Variants in CCAR1 observed in about 807,000 individuals in gnomAD.
The protein encoded by CCAR1 is cell division cycle and apoptosis regulator protein 1.
A neutral mutation model predicts 163.8 loss-of-function variants in CCAR1; 78 were observed. The ratio of observed to expected loss-of-function variants is 0.48; its 90% CI spans 0.40 to 0.57. The LOEUF (loss-of-function observed/expected upper bound fraction) is 0.57, where lower values mean the gene tolerates loss of function less well. CCAR1 is among the 20% of genes least tolerant of loss of function. The probability of loss-of-function intolerance (pLI) is 0.00; values close to 1 mark genes in which losing one functional copy is unlikely to be tolerated. For missense variants in CCAR1, 1,019 were observed against 1,365.2 expected (o/e 0.75, Z 4.00); for synonymous variants, 443 against 460.7 (o/e 0.96, Z 0.49).
chr10:68,746,369 C>T (rs1219788597), intron 6 of CCAR1, among the ~76,000 whole-genome samples: 2 of 152,032 alleles, frequency 1.3e-5, no homozygotes, highest in African/African-American at 4.8e-5. Context: ...CTCCGCCTCT[C>T]GGGTACAGGC....
chr10:68,769,219 C>G (rs1236954687), intron 17 of CCAR1, among the ~76,000 whole-genome samples: 1 of 152,208 alleles, frequency 6.6e-6, no homozygotes, highest in African/African-American at 2.4e-5. Flanking sequence ...CGTGATCCAC[C>G]CATCTCAGCC....
intron 8 of CCAR1, among the ~76,000 whole-genome samples, chr10:68,748,898 G>C (rs547679061): frequency 1.7e-4 from 26 of 152,068 alleles, no homozygotes; most frequent in African/African-American, 6.3e-4. Context: ...AGCTGGTGTT[G>C]AACTCCTGGA....
chr10:68,724,430 A>G (rs958798884), intron 2 of CCAR1, among the ~76,000 whole-genome samples: 2 of 151,960 alleles, frequency 1.3e-5, no homozygotes, highest in Admixed American at 6.6e-5. Flanking sequence ...GCAACGCTAC[A>G]CTCCAGTCTG....
intron 2 of CCAR1, among the ~76,000 whole-genome samples, chr10:68,729,794 C>CT (rs1014243368): frequency 3.3e-5 from 5 of 151,782 alleles, no homozygotes; most frequent in Non-Finnish European, 5.9e-5. Flanking sequence ...ATAGTGGGGT[C>CT]TTGCTATGTT....
At chr10:68,761,425 G>C (rs1191182118) in intron 16 of CCAR1, among the ~76,000 whole-genome samples, 3 of 151,982 alleles carry the variant, frequency 2.0e-5, no homozygotes, top group Non-Finnish European at 2.9e-5. Flanking sequence ...TCCTGCCTCA[G>C]CCTCCCGAGT....
intron 8 of CCAR1, among the ~76,000 whole-genome samples, chr10:68,748,348 C>T (rs1229109753): frequency 1.3e-5 from 2 of 151,750 alleles, no homozygotes; most frequent in African/African-American, 4.8e-5. Flanking sequence ...TGCAGTTAGC[C>T]CAGATCACGC....
chr10:68,790,553 G>T lies in CCAR1; in HGVS notation c.3393+638G>T, dbSNP rs181190705. On this transcript the variant is annotated intron_variant, in intron 24 of 24. Coordinates refer to ENST00000265872, the MANE Select transcript of CCAR1 (RefSeq NM_018237.4). ...GTTTTGTTTTGTCTTTTTGAGACAG[G>T]GTCTTGCACTTTTGCCCAGGCTGGT... Among the ~76,000 whole-genome samples the T allele has an allele frequency of 1.9e-3, 283 of 151,662 alleles. 1 individual carries two copies. The highest frequency in any genetic ancestry group is 6.6e-3 in the African/African-American group (272 of 41,356).
intron 2 of CCAR1, among the ~76,000 whole-genome samples, chr10:68,731,430 A>T (rs533590184): frequency 6.6e-6 from 1 of 152,308 alleles, no homozygotes; most frequent in Admixed American, 6.5e-5. Context: ...AAGAACTGTT[A>T]TATATTTATA....
In CCAR1 at chr10:68,756,100, A is replaced by G. The variant is rs1013422383; in HGVS notation, c.1626-173A>G. On this transcript the variant is annotated intron_variant, in intron 13 of 24. Transcript: ENST00000265872. This position sits in a 1 kb window ranked among gnomAD's most constrained non-coding sequence, Gnocchi z 5.1. ...ACATATTCTTCCTTTAACTTATTAA[A>G]TATTGTACAAATGTACCAAAAGAGG... is the stretch of plus-strand genomic sequence containing the variant. 6.6e-6 allele frequency among the ~76,000 whole-genome samples: 1 copy of G among 152,190 alleles called. No individual in the cohort carries two copies. The highest frequency in any genetic ancestry group is 1.5e-5 in the Non-Finnish European group (1 of 68,044).
chr10:68,747,672 C>A, intron 8 of CCAR1, 106 bp downstream of exon 8: 2 of 989,154 alleles, frequency 2.0e-6, no homozygotes, highest in Non-Finnish European at 3.0e-6. Flanking sequence ...AAACTTGAAG[C>A]CTAAAAATCC....
At chr10:68,762,049 G>A (rs1044144624) in intron 16 of CCAR1, among the ~76,000 whole-genome samples, 3 of 151,962 alleles carry the variant, frequency 2.0e-5, no homozygotes, top group African/African-American at 7.2e-5. Flanking sequence ...AGGTAAAAAG[G>A]CCGGGAGCGG....
At chr10:68,777,056 G>C (rs1343452605) in intron 19 of CCAR1, among the ~76,000 whole-genome samples, 1 of 152,098 alleles carries the variant, frequency 6.6e-6, no homozygotes, top group Non-Finnish European at 1.5e-5. Context: ...TCCAGTTGTT[G>C]AGACTAAAAC....
intron 10 of CCAR1, among the ~76,000 whole-genome samples, chr10:68,751,687 A>T (rs965897715): frequency 1.4e-4 from 21 of 151,306 alleles, no homozygotes; most frequent in African/African-American, 4.8e-4. Flanking sequence ...ACATGGTGAA[A>T]CTCCATCTCT....
intron 19 of CCAR1, among the ~76,000 whole-genome samples, chr10:68,778,416 TA>T (rs1309197834): frequency 6.6e-6 from 1 of 152,264 alleles, no homozygotes; most frequent in East Asian, 1.9e-4. Context: ...GTTTCTCATA[TA>T]TGAAGTCTGT....
intron 14 of CCAR1, 107 bp from the exon 15 acceptor site, chr10:68,757,187 C>A (rs2056405646): frequency 3.1e-6 from 2 of 635,502 alleles, no homozygotes; most frequent in Non-Finnish European, 2.7e-6. Context: ...AGAAGACAAT[C>A]TGAAACATTT....
intron 2 of CCAR1, among the ~76,000 whole-genome samples, chr10:68,733,330 G>C (rs116709118): frequency 3.3e-5 from 5 of 152,102 alleles, no homozygotes; most frequent in African/African-American, 1.2e-4. Flanking sequence ...AGGATCACCT[G>C]AGTTCGGGAG....
chr10:68,784,888 G>A (rs527384346), intron 19 of CCAR1, among the ~76,000 whole-genome samples: 4 of 149,364 alleles, frequency 2.7e-5, no homozygotes, highest in Non-Finnish European at 5.9e-5. Flanking sequence ...TGCTATTATT[G>A]CACACTTGAT....
intron 11 of CCAR1, 29 bp from the exon 12 acceptor site, chr10:68,754,685 G>A (rs769125251): frequency 2.6e-6 from 3 of 1,167,110 alleles, no homozygotes; most frequent in Non-Finnish European, 3.8e-6. Flanking sequence ...TTAGACTTTT[G>A]ACAGGATTGA....
intron 2 of CCAR1, 54 bp downstream of exon 2, chr10:68,722,631 T>C (rs1486366366): frequency 1.4e-6 from 2 of 1,380,496 alleles, no homozygotes; most frequent in Admixed American, 1.7e-5. Context: ...TTGTTAAAAC[T>C]ACGTGAATTA....
Sources: allele counts gnomAD v4.1 joint callset (sites outside exome capture counted in the v4.1 genomes callset), GRCh38; gene constraint gnomAD v4.1.1; non-coding constraint Gnocchi (gnomAD v3.1); transcripts MANE v1.5; gene names NCBI Gene and HGNC (gene_info 2026-07-23, HGNC 2026-07-21).